Variants in NEK6 observed in about 807,000 individuals in gnomAD.
NEK6 encodes NIMA related kinase 6.
In NEK6, 27 loss-of-function variants were observed where a neutral mutation model predicts 43.5. That is an observed-to-expected ratio of 0.62 (90% CI 0.46 to 0.86). The LOEUF (loss-of-function observed/expected upper bound fraction) is 0.86. Ranked by LOEUF, NEK6 falls within the 40% of genes least tolerant of loss-of-function variation. The pLI, the probability that NEK6 is intolerant of heterozygous loss-of-function variation, is 0.00. For synonymous variants in NEK6, 167 were observed against 164.1 expected (o/e 1.02, Z -0.14); for missense variants, 318 against 414.4 (o/e 0.77, Z 2.02).
At chr9:124,296,953 C>T (rs1431690665) in intron 1 of NEK6, among the ~76,000 whole-genome samples, 1 of 152,252 alleles carries the variant, frequency 6.6e-6, no homozygotes, top group Non-Finnish European at 1.5e-5. Flanking sequence ...TGGATTAAAA[C>T]CAAGCGCTCA....
At chr9:124,315,280 T>C (rs978305384) in intron 4 of NEK6, among the ~76,000 whole-genome samples, 16 of 152,350 alleles carry the variant, frequency 1.1e-4, no homozygotes, top group African/African-American at 3.8e-4. Flanking sequence ...GTGAGCCTTC[T>C]TCCAGGCACC....
intron 1 of NEK6, among the ~76,000 whole-genome samples, chr9:124,264,435 TG>T (rs376720923): frequency 6.6e-6 from 1 of 152,140 alleles, no homozygotes; most frequent in African/African-American, 2.4e-5. Context: ...CAGGCACCCT[TG>T]GGGGTGATCT....
chr9:124,327,011 C>G (rs755941409), intron 6 of NEK6, among the ~76,000 whole-genome samples: 5 of 152,176 alleles, frequency 3.3e-5, no homozygotes, highest in Non-Finnish European at 7.4e-5. Flanking sequence ...CGCAGATTTT[C>G]CCTGAGGGCC....
chr9:124,331,013 A>T (rs1380473453), intron 7 of NEK6, among the ~76,000 whole-genome samples: 1 of 152,162 alleles, frequency 6.6e-6, no homozygotes, highest in African/African-American at 2.4e-5. Context: ...CTGTGATCTC[A>T]GCACTTTGGG....
At chr9:124,335,814 G>C (rs1347595957) in intron 7 of NEK6, among the ~76,000 whole-genome samples, 3 of 152,218 alleles carry the variant, frequency 2.0e-5, no homozygotes, top group Non-Finnish European at 2.9e-5. Context: ...TCTCCATTAA[G>C]ATAAGAAAAA....
chr9:124,301,352 T>C (rs1389174047), intron 1 of NEK6, among the ~76,000 whole-genome samples: 2 of 152,186 alleles, frequency 1.3e-5, no homozygotes, highest in Non-Finnish European at 2.9e-5. Context: ...TGAGGGGGGC[T>C]GTTCCTTTGC....
chr9:124,292,794 G>A (rs1332826709), intron 1 of NEK6: 12 of 1,377,148 alleles, frequency 8.7e-6, no homozygotes, highest in Non-Finnish European at 1.2e-5. Context: ...CCAACTGCTG[G>A]GGCCATGGAG....
chr9:124,340,578 C>G (rs1463369157), intron 8 of NEK6, among the ~76,000 whole-genome samples: 2 of 152,214 alleles, frequency 1.3e-5, no homozygotes, highest in African/African-American at 4.8e-5. Flanking sequence ...CTCTGGAAAC[C>G]CCCCCAGGCT....
At chr9:124,318,764 C>G (rs1167346130) in intron 4 of NEK6, among the ~76,000 whole-genome samples, 2 of 152,070 alleles carry the variant, frequency 1.3e-5, no homozygotes, top group Non-Finnish European at 2.9e-5. Context: ...CACCGTCTCC[C>G]GGGTTCAAGC....
At chr9:124,345,853 T>C (rs1829898785) in intron 8 of NEK6, among the ~76,000 whole-genome samples, 1 of 152,188 alleles carries the variant, frequency 6.6e-6, no homozygotes, top group Non-Finnish European at 1.5e-5. Context: ...CGATTAACCC[T>C]TTGCACCCGA....
chr9:124,332,397 C>A (rs1001984200), intron 7 of NEK6, among the ~76,000 whole-genome samples: 2 of 152,140 alleles, frequency 1.3e-5, no homozygotes, highest in Admixed American at 6.5e-5. Context: ...ATGGGGAGAC[C>A]GAGGCTGAGA....
chr9:124,322,735 C>G (rs1188905753), intron 5 of NEK6, among the ~76,000 whole-genome samples: 2 of 152,254 alleles, frequency 1.3e-5, no homozygotes, highest in Non-Finnish European at 2.9e-5. Context: ...CTGGAGCCCC[C>G]ACCCTGCTCA....
chr9:124,323,847 C>T (rs1588513785), intron 5 of NEK6, among the ~76,000 whole-genome samples: 1 of 152,288 alleles, frequency 6.6e-6, no homozygotes, highest in East Asian at 1.9e-4. Context: ...GTGTCTCCTT[C>T]CCTGTGCACC....
rs370917966 is a variant in NEK6 at position 124,350,949 on chromosome 9, C to T, written c.*2C>T. ...CACATCTGGATGTCCAGCACCTGAG[C>T]GTGGATGCACCGTGCCTTATCAAAG... On this transcript the variant is annotated 3_prime_UTR_variant, in exon 10 of 10. Transcript: ENST00000320246. 17 of 1,601,360 alleles carry T rather than the reference C, an allele frequency of 1.1e-5. No homozygotes were observed. The highest frequency in any genetic ancestry group is 1.7e-5 in the Admixed American group (1 of 59,988).
intron 7 of NEK6, among the ~76,000 whole-genome samples, chr9:124,335,377 GT>G (rs1417697512): frequency 6.6e-6 from 1 of 152,194 alleles, no homozygotes; most frequent in Non-Finnish European, 1.5e-5. Flanking sequence ...CTGAGTAGCG[GT>G]TAGCCCCTGG....
intron 9 of NEK6, among the ~76,000 whole-genome samples, chr9:124,348,496 A>C (rs1452681889): frequency 6.6e-6 from 1 of 152,150 alleles, no homozygotes; most frequent in African/African-American, 2.4e-5. Context: ...GCAGGGTCAA[A>C]AGTGTAGATA....
chr9:124,264,666 C>T (rs1322436356), intron 1 of NEK6, among the ~76,000 whole-genome samples: 4 of 151,972 alleles, frequency 2.6e-5, no homozygotes, highest in African/African-American at 7.3e-5. Context: ...ATTAGCTGGG[C>T]GTGGTGGTGG....
At chr9:124,292,287 AC>A in intron 1 of NEK6, 2 of 1,334,104 alleles carry the variant, frequency 1.5e-6, no homozygotes, top group Non-Finnish European at 2.0e-6. Context: ...CACCAACCTG[AC>A]AGGACCTTTG....
chr9:124,288,023 A>G (rs1832238553), intron 1 of NEK6, among the ~76,000 whole-genome samples: 1 of 152,182 alleles, frequency 6.6e-6, no homozygotes, highest in African/African-American at 2.4e-5. Flanking sequence ...ATGCTTTGCC[A>G]TCACTTCCCA....
Sources: gnomAD v4.1 joint callset for allele counts (sites outside exome capture counted in the v4.1 genomes callset) on GRCh38, gnomAD v4.1.1 for gene constraint, MANE v1.5 for transcripts, NCBI Gene and HGNC (gene_info 2026-07-23, HGNC 2026-07-21) for gene names.